RPIA: variants seen among roughly 807,000 people sequenced by gnomAD.
RPIA encodes ribose 5-phosphate isomerase A.
RPIA carries 29 observed loss-of-function variants against 37.8 expected under a neutral mutation model. The observed-to-expected ratio is 0.77, with a 90% CI of 0.57 to 1.05. RPIA has a LOEUF of 1.05. Ranked by LOEUF, RPIA falls within the 50% of genes least tolerant of loss-of-function variation. The probability of loss-of-function intolerance (pLI) is 0.00; values close to 1 mark genes in which losing one functional copy is unlikely to be tolerated. For synonymous variants in RPIA, 167 were observed against 157.0 expected, an observed-to-expected ratio of 1.06 and a Z score of -0.48; for missense variants, 385 against 413.6, an observed-to-expected ratio of 0.93 and a Z score of 0.60.
At chr2:88,729,151 T>A in intron 3 of RPIA, 127 bp from the exon 4 acceptor site, 1 of 916,858 alleles carries the variant, frequency 1.1e-6, no homozygotes, top group Non-Finnish European at 1.7e-6. Context: ...TACCTCATGG[T>A]GGGCCATGCT....
In RPIA at chr2:88,737,977, G is replaced by C; in HGVS notation, c.739G>C (p.Gly247Arg). Residue 247 changes from glycine (G) to arginine (R), a missense_variant and splice_region_variant, in exon 8 of 9, where the codon GGT (glycine) becomes CGT (arginine). Coordinates refer to ENST00000283646, the MANE Select transcript of RPIA (RefSeq NM_144563.3). ...GTCACTGTGGAAAATTATCTTCTAG[G>C]GTCCTGTGGTGACAGATAATGGGAA... is the stretch of plus-strand genomic sequence containing the variant. ...VELRMAVNKAGPVVTDNGNFI... is the reference protein window; with the variant it reads ...VELRMAVNKARPVVTDNGNFI... 6.2e-7 allele frequency: 1 copy of C among 1,611,526 alleles called. No homozygotes were observed. Among genetic ancestry groups the C allele is most frequent in the Non-Finnish European group, 8.5e-7 (1 of 1,177,798 alleles).
At position 88,750,687 on chromosome 2, in the gene RPIA, T is replaced by A. The variant is rs1673495417; in HGVS notation, c.*609T>A. The A allele has an allele frequency of 2.5e-6, 1 of 399,660 alleles. No individual in the cohort carries two copies. Among genetic ancestry groups the A allele is most frequent in the Non-Finnish European group, 4.4e-6 (1 of 226,534 alleles). 24.8% of individuals were successfully genotyped at this position (399,660 alleles called of 1,614,324 possible). A position where few individuals can be genotyped will look rare whatever the true frequency, so the allele number is the denominator to read the frequency against. On this transcript the variant is annotated 3_prime_UTR_variant, in exon 9 of 9. Coordinates refer to ENST00000283646, the MANE Select transcript of RPIA (RefSeq NM_144563.3). ...TGTCAGGGAGAAAATGTTGTTACACTTTTGCTAAGATCTGGGGGTTTCTTC... is the reference window on the plus strand; with the variant it reads ...TGTCAGGGAGAAAATGTTGTTACACATTTGCTAAGATCTGGGGGTTTCTTC...
chr2:88,724,531 A>T (rs560402320), intron 3 of RPIA, among the ~76,000 whole-genome samples: 3 of 152,002 alleles, frequency 2.0e-5, no homozygotes, highest in Non-Finnish European at 4.4e-5. Flanking sequence ...CTGGTCTCGA[A>T]CTCCCGACCT....
Position 88,703,411 on chromosome 2 carries a change from G to A in RPIA, c.402+3347G>A, listed in dbSNP as rs548820563. ...ATCCAGGTGTTTCCATACATCTTCT[G>A]AAATCTAGACAGAGGTTCCCAAACC... On this transcript the variant is annotated intron_variant, in intron 3 of 8. Transcript: ENST00000283646. 1.9e-3 allele frequency among the ~76,000 whole-genome samples: 287 copies of A among 152,340 alleles called. 2 individuals are homozygous for A. The highest frequency in any genetic ancestry group is 2.6e-3 in the Non-Finnish European group (177 of 68,038).
chr2:88,725,535 C>T (rs1239804290), intron 3 of RPIA, among the ~76,000 whole-genome samples: 1 of 151,956 alleles, frequency 6.6e-6, no homozygotes, highest in Non-Finnish European at 1.5e-5. Context: ...TGATCTCTGC[C>T]TGCATGTTCA....
At chr2:88,713,073 G>A (rs1406495388) in intron 3 of RPIA, among the ~76,000 whole-genome samples, 1 of 113,656 alleles carries the variant, frequency 8.8e-6, no homozygotes, top group African/African-American at 3.5e-5. Flanking sequence ...GTTTCACTAT[G>A]TTGGCCATGA....
In RPIA at chr2:88,706,799, A is replaced by G. The variant is rs1175310893; in HGVS notation, c.402+6735A>G. ...AACTTCCTGAATTTGTTTACGATGT[A>G]GAACTGAAATTGGACTCCAAGTATT... On this transcript the variant is annotated intron_variant, in intron 3 of 8. Transcript: ENST00000283646. Among the ~76,000 whole-genome samples, 30 of 152,210 alleles carry G rather than the reference A, an allele frequency of 2.0e-4. 1 individual carries two copies. Among genetic ancestry groups the G allele is most frequent in the Admixed American group, 1.9e-3 (29 of 15,290 alleles).
intron 1 of RPIA, among the ~76,000 whole-genome samples, chr2:88,696,565 A>G (rs969511543): frequency 1.3e-5 from 2 of 151,980 alleles, no homozygotes; most frequent in African/African-American, 4.8e-5. Flanking sequence ...TATCTTGTAT[A>G]TATATTTAAA....
At chr2:88,718,725 TCTTATTGCA>T (rs1673066833) in intron 3 of RPIA, among the ~76,000 whole-genome samples, 1 of 152,208 alleles carries the variant, frequency 6.6e-6, no homozygotes, top group African/African-American at 2.4e-5. Context: ...GAAAACAGAT[TCTTATTGCA>T]CTTATGCAAA....
intron 6 of RPIA, among the ~76,000 whole-genome samples, chr2:88,736,261 T>C (rs998922984): frequency 6.6e-6 from 1 of 152,252 alleles, no homozygotes; most frequent in African/African-American, 2.4e-5. Context: ...GTATATTTAC[T>C]TGTGAAATAT....
At chr2:88,748,522 C>G (rs1452859229) in intron 8 of RPIA, among the ~76,000 whole-genome samples, 1 of 152,168 alleles carries the variant, frequency 6.6e-6, no homozygotes, top group African/African-American at 2.4e-5. Context: ...ATCTGTTTCC[C>G]TGCATACCTG....
At chr2:88,707,124 C>T (rs184219940) in intron 3 of RPIA, among the ~76,000 whole-genome samples, 41 of 152,310 alleles carry the variant, frequency 2.7e-4, no homozygotes, top group African/African-American at 7.9e-4. Context: ...TGAGTTTGGA[C>T]GCATGCAATT....
chr2:88,709,048 G>A (rs960737064), intron 3 of RPIA, among the ~76,000 whole-genome samples: 31 of 152,186 alleles, frequency 2.0e-4, no homozygotes, highest in Admixed American at 1.8e-3. Flanking sequence ...GAGCCACCGC[G>A]CCCGGCCAGC....
chr2:88,700,204 AAGG>A (rs1431050495), intron 3 of RPIA, 140 bp downstream of exon 3: 1 of 807,894 alleles, frequency 1.2e-6, no homozygotes, highest in Non-Finnish European at 2.2e-6. Context: ...TTTATTGACC[AAGG>A]ATTCCTTCTT....
intron 1 of RPIA, 82 bp downstream of exon 1, chr2:88,692,065 G>A (rs2104061084): frequency 6.7e-7 from 1 of 1,490,022 alleles, no homozygotes; most frequent in East Asian, 2.5e-5. Flanking sequence ...TGCTGCCGGG[G>A]CGCGCCTAGC....
chr2:88,705,297 C>T (rs1404547145), intron 3 of RPIA, among the ~76,000 whole-genome samples: 11 of 152,132 alleles, frequency 7.2e-5, no homozygotes, highest in African/African-American at 2.4e-4. Context: ...GGAGGCATCA[C>T]GCTACTGGAC....
chr2:88,693,649 G>C (rs1340504461), intron 1 of RPIA, among the ~76,000 whole-genome samples: 1 of 152,188 alleles, frequency 6.6e-6, no homozygotes, highest in Non-Finnish European at 1.5e-5. Context: ...GGTCACAGTG[G>C]GTCCTGCCCA....
chr2:88,719,788 C>A (rs62157807), intron 3 of RPIA, among the ~76,000 whole-genome samples: 23,498 of 152,180 alleles, frequency 0.15, 2,380 homozygotes, highest in Middle Eastern at 0.34. Context: ...GATATAACTT[C>A]CATAAGTCTT....
intron 8 of RPIA, among the ~76,000 whole-genome samples, chr2:88,739,127 C>T (rs149680043): frequency 5.9e-5 from 9 of 152,226 alleles, no homozygotes; most frequent in Non-Finnish European, 1.3e-4. Flanking sequence ...GTATCAAGGG[C>T]TCGTACAGGG....
Sources: allele counts gnomAD v4.1 joint callset (sites outside exome capture counted in the v4.1 genomes callset), GRCh38; gene constraint gnomAD v4.1.1; transcripts MANE v1.5; gene names NCBI Gene and HGNC (gene_info 2026-07-23, HGNC 2026-07-21).